The following THOC7 variants were observed in gnomAD, a reference collection of about 807,000 sequenced individuals.
THOC7 encodes NIF3L1-binding protein 1.
THOC7 carries 22 observed loss-of-function variants against 33.1 expected under a neutral mutation model. The ratio of observed to expected loss-of-function variants is 0.66; its 90% CI spans 0.47 to 0.95. The LOEUF is 0.95. Ranked by LOEUF, THOC7 falls within the 40% of genes least tolerant of loss-of-function variation. The pLI, the probability that THOC7 is intolerant of heterozygous loss-of-function variation, is 0.00. For missense variants in THOC7, 184 were observed against 245.3 expected, an observed-to-expected ratio of 0.75 and a Z score of 1.67; for synonymous variants, 77 against 76.8, an observed-to-expected ratio of 1.00 and a Z score of -0.01.
At chr3:63,863,418 T>C in intron 1 of THOC7, 1 of 1,079,754 alleles carries the variant, frequency 9.3e-7, no homozygotes, top group Non-Finnish European at 1.1e-6. Context: ...CCGGACTCCC[T>C]CTGGTCCCAC....
rs149268843 is a variant in THOC7 at position 63,852,601 on chromosome 3, A to C, written c.19+11171T>G. ...CACTAGGGAGGCTGGATGAGTGAAGACAAATAGCAGGACCCAAAGATATAC... is the reference window on the plus strand; with the variant it reads ...CACTAGGGAGGCTGGATGAGTGAAGCCAAATAGCAGGACCCAAAGATATAC... On this transcript the variant is annotated intron_variant, in intron 1 of 7. Coordinates refer to ENST00000295899, the MANE Select transcript of THOC7 (RefSeq NM_025075.4). 4.3e-3 allele frequency among the ~76,000 whole-genome samples: 661 copies of C among 152,304 alleles called. 2 individuals are homozygous for C. The highest frequency in any genetic ancestry group is 0.031 in the Middle Eastern group (9 of 294).
At chr3:63,841,714 A>G (rs188014771) in intron 1 of THOC7, among the ~76,000 whole-genome samples, 2 of 152,342 alleles carry the variant, frequency 1.3e-5, no homozygotes, top group African/African-American at 4.8e-5. Flanking sequence ...CGGTTTTTTA[A>G]CCACCAACAT....
chr3:63,851,859 C>T (rs1201371347), intron 1 of THOC7, among the ~76,000 whole-genome samples: 1 of 152,138 alleles, frequency 6.6e-6, no homozygotes, highest in East Asian at 1.9e-4. Context: ...ATTCTAGAAT[C>T]GAGAATAAAG....
intron 5 of THOC7, 54 bp downstream of exon 5, chr3:63,836,247 T>A: frequency 6.5e-7 from 1 of 1,547,202 alleles, no homozygotes; most frequent in Non-Finnish European, 8.8e-7. Flanking sequence ...ACGGTAGTTT[T>A]CGAGCATTTA....
At chr3:63,844,604 T>C (rs552163617) in intron 1 of THOC7, among the ~76,000 whole-genome samples, 1 of 152,316 alleles carries the variant, frequency 6.6e-6, no homozygotes, top group Admixed American at 6.5e-5. Context: ...GACTGTGCCC[T>C]GATGAACAGG....
intron 1 of THOC7, among the ~76,000 whole-genome samples, chr3:63,855,846 T>C (rs1281352186): frequency 6.6e-6 from 1 of 152,180 alleles, no homozygotes; most frequent in Non-Finnish European, 1.5e-5. Context: ...TAAATGCAGT[T>C]TGGCAAAAAA....
chr3:63,835,922 T>G (rs1701623428), intron 5 of THOC7, among the ~76,000 whole-genome samples: 1 of 152,052 alleles, frequency 6.6e-6, no homozygotes, highest in Admixed American at 6.6e-5. Flanking sequence ...GTTATTATTC[T>G]GTATGTGTTT....
At chr3:63,854,684 C>A (rs1276416494) in intron 1 of THOC7, 1 of 152,048 alleles carries the variant, frequency 6.6e-6, no homozygotes, top group African/African-American at 2.4e-5. Context: ...CCATCTAGCT[C>A]CTGGAAAGAC....
intron 1 of THOC7, among the ~76,000 whole-genome samples, chr3:63,850,359 C>G (rs180975847): frequency 6.6e-6 from 1 of 151,686 alleles, no homozygotes. Context: ...TACCACCACA[C>G]CCAGCTAATT....
At chr3:63,857,086 G>C (rs1575815749) in intron 1 of THOC7, among the ~76,000 whole-genome samples, 3 of 152,186 alleles carry the variant, frequency 2.0e-5, no homozygotes, top group Admixed American at 6.6e-5. Context: ...AATGTCACAG[G>C]AAGTAAGGAA....
chr3:63,857,592 G>A (rs1702137911), intron 1 of THOC7, among the ~76,000 whole-genome samples: 1 of 152,062 alleles, frequency 6.6e-6, no homozygotes, highest in Non-Finnish European at 1.5e-5. Flanking sequence ...CTTTCAAAAA[G>A]CTCAAAGCCA....
intron 1 of THOC7, among the ~76,000 whole-genome samples, chr3:63,853,752 C>A (rs1158167437): frequency 6.6e-6 from 1 of 151,980 alleles, no homozygotes. Context: ...ACTGAAAATA[C>A]AAAAAATTAG....
At chr3:63,863,990 TC>T, upstream of THOC7, 1 of 146,398 alleles carries the variant, frequency 6.8e-6, no homozygotes, top group Non-Finnish European at 1.5e-5. Flanking sequence ...GGACCCGCGC[TC>T]CCCGCGCTCC....
chr3:63,848,579 C>T (rs1036779436), intron 1 of THOC7: 4 of 152,192 alleles, frequency 2.6e-5, no homozygotes, highest in Non-Finnish European at 5.9e-5. Context: ...CATCTCAGGA[C>T]CTCCTGATGC....
intron 1 of THOC7, among the ~76,000 whole-genome samples, chr3:63,851,377 A>C (rs1463238589): frequency 6.6e-6 from 1 of 152,246 alleles, no homozygotes; most frequent in Admixed American, 6.5e-5. Flanking sequence ...CAAAAGGGAA[A>C]ACTGTCAAAT....
chr3:63,856,658 T>C (rs1372846082), intron 1 of THOC7, among the ~76,000 whole-genome samples: 3 of 152,272 alleles, frequency 2.0e-5, no homozygotes, highest in East Asian at 1.9e-4. Context: ...CACTTAAATA[T>C]GCTAAGGACT....
At chr3:63,864,102 C>A (rs1420726415), upstream of THOC7, among the ~76,000 whole-genome samples, 1 of 146,708 alleles carries the variant, frequency 6.8e-6, no homozygotes, top group Admixed American at 6.7e-5. Context: ...GCCCCCCTTG[C>A]AGCCCCCGCC....
chr3:63,838,289 C>T (rs1275817260), intron 3 of THOC7, 83 bp downstream of exon 3: 12 of 1,055,168 alleles, frequency 1.1e-5, no homozygotes, highest in South Asian at 1.8e-5. Context: ...ATTCTTTTAC[C>T]ACCAAAGAAA....
chr3:63,837,276 T>C (rs1387327382), intron 4 of THOC7, among the ~76,000 whole-genome samples: 3 of 151,996 alleles, frequency 2.0e-5, no homozygotes, highest in Non-Finnish European at 4.4e-5. Flanking sequence ...AAAATAACCA[T>C]TAACATTTTC....
Sources: gnomAD v4.1 joint callset for allele counts (sites outside exome capture counted in the v4.1 genomes callset) on GRCh38, gnomAD v4.1.1 for gene constraint, MANE v1.5 for transcripts, NCBI Gene and HGNC (gene_info 2026-07-23, HGNC 2026-07-21) for gene names.